Variants in CHD5 observed in about 807,000 individuals in gnomAD.
The protein encoded by CHD5 is ATP-dependent chromatin remodeler CHD5.
In CHD5, 69 loss-of-function variants were observed where a neutral mutation model predicts 230.3. The ratio of observed to expected loss-of-function variants is 0.30; its 90% CI spans 0.25 to 0.37. The LOEUF (loss-of-function observed/expected upper bound fraction) is 0.37, where lower values mean the gene tolerates loss of function less well. Ranked by LOEUF, CHD5 falls within the 10% of genes least tolerant of loss-of-function variation. The pLI is 1.00. For missense variants in CHD5, 1,827 were observed against 2,622.8 expected, an observed-to-expected ratio of 0.70 and a Z score of 6.63; for synonymous variants, 1,064 against 1,065.9, an observed-to-expected ratio of 1.00 and a Z score of 0.03.
At position 6,128,470 on chromosome 1, in the gene CHD5, A is replaced by G; in HGVS notation, c.3730+29T>C. 6.5e-7 allele frequency: 1 copy of G among 1,545,588 alleles called. No individual in the cohort carries two copies. Among genetic ancestry groups the G allele is most frequent in the Non-Finnish European group, 8.9e-7 (1 of 1,118,920 alleles). ...GGAGCAGCCACCTGGTCGGAGGAGG[A>G]GCTGAGGCTGGGCTGGGTTGGCCCC... is the stretch of plus-strand genomic sequence containing the variant. On this transcript the variant is annotated intron_variant, in intron 24 of 41. Transcript: ENST00000262450. The surrounding 1 kb of genome is among the most constrained non-coding windows in gnomAD (Gnocchi z 7.8).
At chr1:6,136,679 G>T in intron 16 of CHD5, 41 bp from the exon 17 acceptor site, 2 of 1,612,008 alleles carry the variant, frequency 1.2e-6, no homozygotes, top group Non-Finnish European at 1.7e-6. Context: ...GGCTCTGGGC[G>T]GCCCCTCGCC....
At chr1:6,135,127 C>A in intron 18 of CHD5, 103 bp downstream of exon 18, 1 of 1,346,148 alleles carries the variant, frequency 7.4e-7, no homozygotes, top group South Asian at 1.2e-5. Context: ...GCCGAGACCT[C>A]AGTGAGGCTG....
Position 6,106,799 on chromosome 1 carries a change from G to A in CHD5, c.5579-20C>T, listed in dbSNP as rs1666176825. On this transcript the variant is annotated intron_variant, in intron 38 of 41. Transcript: ENST00000262450. ...TCAGGACTGTGGTGGGAGGCGGAGGGATGGTAGGATGCAGGGATGGAGGGG... is the reference window on the plus strand; with the variant it reads ...TCAGGACTGTGGTGGGAGGCGGAGGAATGGTAGGATGCAGGGATGGAGGGG... 2 of 1,423,392 alleles carry A rather than the reference G, an allele frequency of 1.4e-6. No homozygotes were observed. The highest frequency in any genetic ancestry group is 9.4e-7 in the Non-Finnish European group (1 of 1,061,860). 88.2% of individuals were successfully genotyped at this position (1,423,392 alleles called of 1,614,324 possible).
chr1:6,150,576 G>T (rs989903348), intron 7 of CHD5, among the ~76,000 whole-genome samples: 7 of 151,988 alleles, frequency 4.6e-5, no homozygotes, highest in African/African-American at 1.7e-4. Flanking sequence ...GATGGATGAT[G>T]GATGAATGGC....
rs562900339 is a variant in CHD5 at position 6,126,024 on chromosome 1, C to A, written c.4079-166G>T. Among the ~76,000 whole-genome samples the A allele has an allele frequency of 2.0e-5, 3 of 152,268 alleles. No individual in the cohort carries two copies. Among genetic ancestry groups the A allele is most frequent in the African/African-American group, 7.2e-5 (3 of 41,544 alleles). ...GTGGGCTCATTTAGTAATCCCAACA[C>A]CACCACGTTATACACTAAGGGTACC... On this transcript the variant is annotated intron_variant, in intron 26 of 41. Coordinates refer to ENST00000262450, the MANE Select transcript of CHD5 (RefSeq NM_015557.3). This position sits in a 1 kb window ranked among gnomAD's most constrained non-coding sequence, Gnocchi z 5.7.
In CHD5 at chr1:6,144,096, T is replaced by C; in HGVS notation, c.1862A>G (p.Gln621Arg). Residue 621 changes from glutamine (Q) to arginine (R), a missense_variant, in exon 12 of 42, where the codon CAG becomes CGG. Gln to Arg is a conservative substitution (Grantham distance 43). This residue lies in a region of CHD5 where 657 missense variants were observed against 816.4 expected (regional missense o/e 0.80). Transcript: ENST00000262450. ...LIKWKDLPYDQCTWEIDDIDI... is the reference protein window; with the variant it reads ...LIKWKDLPYDRCTWEIDDIDI... ...GATGTCATCGATCTCCCAGGTGCAC[T>C]GGTCGTAGGGCAGGTCTTTCCACTT... 6.2e-7 allele frequency: 1 copy of C among 1,614,178 alleles called. No homozygotes were observed. The highest frequency in any genetic ancestry group is 8.5e-7 in the Non-Finnish European group (1 of 1,180,020).
At position 6,149,042 on chromosome 1, in the gene CHD5, C is replaced by A. The variant is rs747491646; in HGVS notation, c.1195G>T (p.Asp399Tyr). ...CCGCCCTCCTCCTCTTCATCGTCGT[C>A]GTCCTTCGGCTCCCACTGGATCCCC... ...KEGIQWEPKD[D>Y]DDEEEEGGCE... Residue 399 changes from aspartate to tyrosine, a missense_variant, in exon 9 of 42, where the codon GAC (aspartate) becomes TAC (tyrosine). Physicochemically the swap from Asp to Tyr is radical, Grantham distance 160. Around this residue, in one of 14 missense-constraint regions of CHD5, gnomAD observed 657 missense variants for 816.4 expected, o/e 0.80. Coordinates refer to ENST00000262450, the MANE Select transcript of CHD5 (RefSeq NM_015557.3). The A allele has an allele frequency of 1.3e-6, 2 of 1,582,974 alleles. No individual in the cohort carries two copies. Among genetic ancestry groups the A allele is most frequent in the Non-Finnish European group, 1.7e-6 (2 of 1,165,338 alleles).
At chr1:6,106,584 G>T (rs1280300869) in intron 39 of CHD5, 32 bp downstream of exon 39, 3 of 1,551,014 alleles carry the variant, frequency 1.9e-6, no homozygotes, top group East Asian at 2.4e-5. Flanking sequence ...ACGCCAGGGG[G>T]CTCGGGCCGG....
rs1310252369 is a variant in CHD5, at chr1:6,167,681, C to A, written c.207+469G>T. Among the ~76,000 whole-genome samples, 1 of 152,186 alleles carries A rather than the reference C, an allele frequency of 6.6e-6. No homozygotes were observed. Among genetic ancestry groups the A allele is most frequent in the African/African-American group, 2.4e-5 (1 of 41,450 alleles). The stretch of plus-strand genomic sequence containing the variant: ...GGCAGCGGAGCATGCGGCAGCCTCG[C>A]CCATCCAGAACCAGCCGAGAACCAG... On this transcript the variant is annotated intron_variant, in intron 2 of 41. Transcript: ENST00000262450. The surrounding 1 kb of genome is among the most constrained non-coding windows in gnomAD (Gnocchi z 4.5).
intron 9 of CHD5, among the ~76,000 whole-genome samples, chr1:6,147,917 C>T (rs1666936435): frequency 1.3e-5 from 2 of 152,130 alleles, no homozygotes; most frequent in East Asian, 3.9e-4. Flanking sequence ...AGAGGGGACC[C>T]TTCCTACCCA....
At chr1:6,108,056 T>C (rs1319278454) in intron 38 of CHD5, among the ~76,000 whole-genome samples, 1 of 99,832 alleles carries the variant, frequency 1.0e-5, no homozygotes, top group Non-Finnish European at 2.0e-5. Context: ...GATGGAGGGA[T>C]GGAGGGATGG....
chr1:6,154,781 T>G lies in CHD5; in HGVS notation c.624A>C (p.Ala208=). Reference sequence around the variant, plus strand: ...CAGCCGCAGCCACCGCCGCCGCCGCTGCTGCCGCGGAGCTGCCCTTGAAGG... The same window carrying G: ...CAGCCGCAGCCACCGCCGCCGCCGCGGCTGCCGCGGAGCTGCCCTTGAAGG... The part of the protein sequence containing the change: ...NNPFKGSSAA[A]AAAAVAAAVE... The change falls in exon 5 of 42, where the codon GCA becomes GCC. Residue 208 remains alanine (A), a synonymous_variant. Transcript: ENST00000262450. This position sits in a 1 kb window ranked among gnomAD's most constrained non-coding sequence, Gnocchi z 7.0. 1 of 1,613,364 alleles carries G rather than the reference T, an allele frequency of 6.2e-7. No individual in the cohort carries two copies. The highest frequency in any genetic ancestry group is 8.5e-7 in the Non-Finnish European group (1 of 1,179,868).
At chr1:6,166,000 G>A (rs962946384) in intron 2 of CHD5, among the ~76,000 whole-genome samples, 5 of 151,926 alleles carry the variant, frequency 3.3e-5, no homozygotes, top group South Asian at 2.1e-4. Context: ...CCACAGACCC[G>A]GGTTCCCCCT....
chr1:6,136,921 T>A, intron 15 of CHD5, 56 bp from the exon 16 acceptor site: 1 of 1,529,288 alleles, frequency 6.5e-7, no homozygotes, highest in Non-Finnish European at 8.8e-7. Flanking sequence ...CGGATCACAG[T>A]CCCAGGAGAC....
chr1:6,142,032 C>T lies in CHD5; in HGVS notation c.2436+96G>A, dbSNP rs147491256. On this transcript the variant is annotated intron_variant, in intron 15 of 41. Coordinates refer to ENST00000262450, the MANE Select transcript of CHD5 (RefSeq NM_015557.3). The surrounding 1 kb of genome is among the most constrained non-coding windows in gnomAD (Gnocchi z 5.2). ...AGCCTGCCGGCCTCGGTAGCCCTCC[C>T]AGGCTGAGGGACCCCAAAGGAGTGC... 12,589 of 1,134,810 alleles carry T rather than the reference C, an allele frequency of 0.011. 90 individuals are homozygous for T. The highest frequency in any genetic ancestry group is 0.013 in the Non-Finnish European group (9,624 of 764,338). The allele number at this position is 1,134,810 out of a possible 1,614,324, so 70.3% of individuals were successfully genotyped here. A position where few individuals can be genotyped will look rare whatever the true frequency, so the allele number is the denominator to read the frequency against.
intron 1 of CHD5, among the ~76,000 whole-genome samples, chr1:6,173,852 C>A (rs1304631506): frequency 6.6e-6 from 1 of 152,182 alleles, no homozygotes; most frequent in African/African-American, 2.4e-5. Flanking sequence ...TGAGACAGGG[C>A]TTATGCTGGC....
Position 6,134,332 on chromosome 1 carries a change from AG to A in CHD5, c.3013-74del. 6.4e-7 allele frequency: 1 copy of A among 1,556,172 alleles called. No individual in the cohort carries two copies. Among genetic ancestry groups the A allele is most frequent in the Non-Finnish European group, 8.7e-7 (1 of 1,143,306 alleles). On this transcript the variant is annotated intron_variant, in intron 19 of 41. Coordinates refer to ENST00000262450, the MANE Select transcript of CHD5 (RefSeq NM_015557.3). The surrounding 1 kb of genome is among the most constrained non-coding windows in gnomAD (Gnocchi z 6.3). ...TCTGACTCTGCACCAAAGGGGCCGC[AG>A]GGAACAGACAAGTGCTGAGCAATGG... is the stretch of plus-strand genomic sequence containing the variant.
chr1:6,111,880 A>G lies in CHD5; in HGVS notation c.5144T>C (p.Leu1715Ser). Reference protein sequence around the residue: ...FNIADGGFTELHTLWQNEERA... With the variant: ...FNIADGGFTESHTLWQNEERA... ...CTCCTCGTTCTGCCACAGCGTGTGC[A>G]ACTCTGGGAAACAAGCCAAGGTGAG... Residue 1715 changes from leucine to serine, a missense_variant, in exon 36 of 42, where the codon TTG becomes TCG. By Grantham distance (145) the Leu-to-Ser change is moderately radical. Around this residue, in one of 14 missense-constraint regions of CHD5, gnomAD observed 272 missense variants for 263.2 expected, o/e 1.03. Transcript: ENST00000262450. The G allele has an allele frequency of 6.2e-7, 1 of 1,612,946 alleles. No homozygotes were observed. Among genetic ancestry groups the G allele is most frequent in the South Asian group, 1.1e-5 (1 of 91,056 alleles).
Position 6,131,764 on chromosome 1 carries a change from G to A in CHD5, c.3145-16C>T, listed in dbSNP as rs745618575. ...TCTTGGTCATCTGCAGGGGAGACGG[G>A]CACGTGAGGAACTGCCAAGGAGCAA... On this transcript the variant is annotated splice_polypyrimidine_tract_variant and intron_variant, in intron 20 of 41. Transcript: ENST00000262450. The surrounding 1 kb of genome is among the most constrained non-coding windows in gnomAD (Gnocchi z 5.0). 1.9e-6 allele frequency: 3 copies of A among 1,559,108 alleles called. No homozygotes were observed. Among genetic ancestry groups the A allele is most frequent in the Non-Finnish European group, 2.7e-6 (3 of 1,131,216 alleles).
Sources: allele counts gnomAD v4.1 joint callset (sites outside exome capture counted in the v4.1 genomes callset), GRCh38; gene constraint gnomAD v4.1.1; regional missense constraint gnomAD v4.1.1; non-coding constraint Gnocchi (gnomAD v3.1); transcripts MANE v1.5; gene names NCBI Gene and HGNC (gene_info 2026-07-23, HGNC 2026-07-21).